Variants in TUSC3 observed in about 807,000 individuals in gnomAD.
TUSC3 encodes dolichyl-diphosphooligosaccharide--protein glycosyltransferase subunit TUSC3.
Under a neutral mutation model 44.8 loss-of-function variants are expected in TUSC3, and 45 were observed. The ratio of observed to expected loss-of-function variants is 1.00; its 90% CI spans 0.79 to 1.29. The LOEUF (loss-of-function observed/expected upper bound fraction) is 1.29. Ranked by LOEUF, TUSC3 falls within the 50% of genes most tolerant of loss-of-function variation. The pLI is 0.00. For synonymous variants in TUSC3, 212 were observed against 152.9 expected (o/e 1.39, Z -2.85); for missense variants, 519 against 437.9 (o/e 1.19, Z -1.65).
the TUSC3 span, among the ~76,000 whole-genome samples, chr8:15,817,347 T>G: frequency 0.46 from 52,673 of 114,424 alleles, 10,225 homozygotes; most frequent in African/African-American, 0.54. Flanking sequence ...AATTAAGACT[T>G]GAAAAAAAAA....
chr8:15,516,510 G>A (rs745784789), intron 2 of TUSC3, among the ~76,000 whole-genome samples: 4 of 152,078 alleles, frequency 2.6e-5, no homozygotes, highest in Non-Finnish European at 5.9e-5. Context: ...CCCTGAAAAT[G>A]GTGCAGATTT....
chr8:15,455,323 T>C (rs898086492), intron 1 of TUSC3, among the ~76,000 whole-genome samples: 2 of 152,058 alleles, frequency 1.3e-5, no homozygotes, highest in African/African-American at 2.4e-5. Flanking sequence ...TGTAGATTGG[T>C]TTTATAGATT....
intron 1 of TUSC3, among the ~76,000 whole-genome samples, chr8:15,569,638 G>A (rs530119644): frequency 6.6e-6 from 1 of 152,278 alleles, no homozygotes; most frequent in East Asian, 1.9e-4. Flanking sequence ...GATGACAGGA[G>A]TAAACTGGGA....
rs145772493 is a variant in TUSC3 at position 15,551,832 on chromosome 8, T to C, written c.138+11264T>C. On this transcript the variant is annotated intron_variant, in intron 1 of 10. Coordinates refer to ENST00000503731, the MANE Select transcript of TUSC3 (RefSeq NM_006765.4). ...TACTTCCCTTTTCTCTGTATCCCTTTTCCTTCAAAAGTTACTTCTGTTGAG... is the reference window on the plus strand; with the variant it reads ...TACTTCCCTTTTCTCTGTATCCCTTCTCCTTCAAAAGTTACTTCTGTTGAG... 3.9e-4 allele frequency among the ~76,000 whole-genome samples: 59 copies of C among 151,904 alleles called. 2 individuals are homozygous for C. The highest frequency in any genetic ancestry group is 1.3e-3 in the African/African-American group (54 of 41,534).
intron 2 of TUSC3, among the ~76,000 whole-genome samples, chr8:15,502,930 T>C (rs1382623523): frequency 6.6e-6 from 1 of 152,236 alleles, no homozygotes; most frequent in African/African-American, 2.4e-5. Context: ...TATTCTATTT[T>C]TTATTTGATC....
intron 1 of TUSC3, among the ~76,000 whole-genome samples, chr8:15,619,462 A>T (rs1025584978): frequency 3.3e-5 from 5 of 151,840 alleles, no homozygotes; most frequent in Non-Finnish European, 7.4e-5. Flanking sequence ...TAGTTTTAAC[A>T]TTGATTAGTC....
At chr8:15,785,585 T>G in the TUSC3 span, among the ~76,000 whole-genome samples, 2 of 152,034 alleles carry the variant, frequency 1.3e-5, no homozygotes, top group African/African-American at 2.4e-5. Context: ...GTTTTAGAGA[T>G]AAGTAAATTG....
At chr8:15,499,727 G>C (rs1465284334) in intron 2 of TUSC3, among the ~76,000 whole-genome samples, 1 of 152,068 alleles carries the variant, frequency 6.6e-6, no homozygotes, top group African/African-American at 2.4e-5. Flanking sequence ...TGAATTGGTA[G>C]ACTGAGCTTT....
chr8:15,497,300 G>A (rs1390405323), intron 2 of TUSC3, among the ~76,000 whole-genome samples: 1 of 152,190 alleles, frequency 6.6e-6, no homozygotes, highest in Non-Finnish European at 1.5e-5. Context: ...CCAGTGATGT[G>A]TAGAAAGCAG....
intron 6 of TUSC3, among the ~76,000 whole-genome samples, chr8:15,702,542 T>A (rs1191289271): frequency 6.6e-6 from 1 of 152,080 alleles, no homozygotes; most frequent in Non-Finnish European, 1.5e-5. Flanking sequence ...TGTACTCTCT[T>A]TCTAGGCAAC....
chr8:15,825,885 C>CTTTTTTTTTTTT, the TUSC3 span, among the ~76,000 whole-genome samples: 1 of 120,390 alleles, frequency 8.3e-6, no homozygotes, highest in Non-Finnish European at 1.8e-5. Context: ...ACAGTTGTTT[C>CTTTTTTTTTTTT]TTTTTTTTTT....
intron 2 of TUSC3, among the ~76,000 whole-genome samples, chr8:15,515,817 G>A (rs1004449091): frequency 2.0e-5 from 3 of 151,840 alleles, no homozygotes; most frequent in African/African-American, 4.8e-5. Flanking sequence ...ACAGTCTCTC[G>A]CCACCACACC....
At chr8:15,628,191 G>C (rs1313664619) in intron 2 of TUSC3, among the ~76,000 whole-genome samples, 1 of 152,026 alleles carries the variant, frequency 6.6e-6, no homozygotes, top group Non-Finnish European at 1.5e-5. Flanking sequence ...CACTAGTATA[G>C]TGAAGAAATA....
intron 6 of TUSC3, among the ~76,000 whole-genome samples, chr8:15,696,505 A>C (rs13271388): frequency 0.21 from 32,409 of 152,114 alleles, 4,374 homozygotes; most frequent in Non-Finnish European, 0.3. Flanking sequence ...AAGCGCTCAC[A>C]CAGAGTCCCT....
At chr8:15,793,828 T>C in the TUSC3 span, among the ~76,000 whole-genome samples, 2 of 152,152 alleles carry the variant, frequency 1.3e-5, no homozygotes, top group South Asian at 2.1e-4. Context: ...CATGCAAGCA[T>C]AACTAGTCTT....
chr8:15,456,469 G>T (rs1055487154), intron 1 of TUSC3, among the ~76,000 whole-genome samples: 2 of 152,110 alleles, frequency 1.3e-5, no homozygotes, highest in Non-Finnish European at 2.9e-5. Context: ...CACTATGGAA[G>T]AATAAGAAAA....
At chr8:15,703,780 A>G (rs946972976) in intron 6 of TUSC3, among the ~76,000 whole-genome samples, 3 of 152,148 alleles carry the variant, frequency 2.0e-5, no homozygotes, top group Admixed American at 6.6e-5. Flanking sequence ...CAAGTCCCCC[A>G]TGATCCAAAC....
Position 15,448,134 on chromosome 8 carries a change from T to TATTTATTTATTG in TUSC3, n.91+30829_91+30830insATTTATTTATTG, listed in dbSNP as rs1554502649. Among the ~76,000 whole-genome samples the TATTTATTTATTG allele has an allele frequency of 8.3e-5, 12 of 145,090 alleles. No homozygotes were observed. In the South Asian group the frequency reaches 2.6e-3, roughly 32 times the overall value. On this transcript the variant is annotated intron_variant and non_coding_transcript_variant, in intron 1 of 5. Transcript: ENST00000503191. ...ATATATATATATTTATTTATTTATT[T>TATTTATTTATTG]TTTAGATGGAGTCTTGCTCTGTCAT...
intron 1 of TUSC3, among the ~76,000 whole-genome samples, chr8:15,451,213 A>C (rs889488886): frequency 1.3e-5 from 2 of 152,140 alleles, no homozygotes; most frequent in Admixed American, 6.5e-5. Context: ...GTATAATGTT[A>C]CTTATATCTA....
Sources: allele counts gnomAD v4.1 joint callset (sites outside exome capture counted in the v4.1 genomes callset), GRCh38; gene constraint gnomAD v4.1.1; transcripts MANE v1.5; gene names NCBI Gene and HGNC (gene_info 2026-07-23, HGNC 2026-07-21).